The following ERC1 variants were observed in gnomAD, a reference collection of about 807,000 sequenced individuals.
ERC1 encodes the protein ELKS/RAB6-interacting/CAST family member 1.
Under a neutral mutation model 132.0 loss-of-function variants are expected in ERC1, and 56 were observed. The ratio of observed to expected loss-of-function variants is 0.42; its 90% confidence interval spans 0.34 to 0.53. The LOEUF (loss-of-function observed/expected upper bound fraction) is 0.53. ERC1 is among the 20% of genes least tolerant of loss of function. The pLI, the probability that ERC1 is intolerant of heterozygous loss-of-function variation, is 0.03. For missense variants in ERC1, 1,202 were observed against 1,349.9 expected (o/e 0.89, Z 1.72); for synonymous variants, 478 against 476.1 (o/e 1.00, Z -0.05).
At chr12:1,227,608 TTACTC>T (rs2074691574) in intron 12 of ERC1, among the ~76,000 whole-genome samples, 1 of 152,220 alleles carries the variant, frequency 6.6e-6, no homozygotes, top group South Asian at 2.1e-4. Flanking sequence ...AGTTGTCTCT[TTACTC>T]TGTTGATTGC....
intron 15 of ERC1, among the ~76,000 whole-genome samples, chr12:1,326,890 G>GTT (rs112334757): frequency 2.0e-5 from 3 of 148,216 alleles, no homozygotes; most frequent in African/African-American, 4.9e-5. Flanking sequence ...CAGTTTGTGG[G>GTT]TTTTTTTTTT....
intron 8 of ERC1, among the ~76,000 whole-genome samples, chr12:1,147,523 ACTT>A (rs1950491197): frequency 6.6e-6 from 1 of 152,124 alleles, no homozygotes; most frequent in Non-Finnish European, 1.5e-5. Context: ...TCATACATTT[ACTT>A]CTTATTAGGC....
chr12:1,463,707 G>GTGTGTGTGTGTGTGTGTGTGTGTGTT (rs1565488392), intron 18 of ERC1, among the ~76,000 whole-genome samples: 25 of 151,434 alleles, frequency 1.7e-4, no homozygotes, highest in African/African-American at 4.9e-4. Context: ...CTGTGTGTGT[G>GTGTGTGTGTGTGTGTGTGTGTGTGTT]TGTGTGTGTG....
chr12:1,304,694 C>G (rs181874140), intron 15 of ERC1, among the ~76,000 whole-genome samples: 1 of 150,936 alleles, frequency 6.6e-6, no homozygotes, highest in East Asian at 1.9e-4. Flanking sequence ...TTAGGAGAAC[C>G]TCTGTTATGC....
In ERC1 at chr12:1,294,395, A is replaced by G. The variant is rs191443239; in HGVS notation, c.2780+4383A>G. ...ATGTAAAAAGCCTCAAGTGGCTGGA[A>G]TAAGGTCTAAGTAACAAATAAAGAA... On this transcript the variant is annotated intron_variant, in intron 15 of 18. Transcript: ENST00000360905. Among the ~76,000 whole-genome samples, 60 of 152,326 alleles carry G rather than the reference A, an allele frequency of 3.9e-4. 1 individual carries two copies. Among genetic ancestry groups the G allele is most frequent in the African/African-American group, 1.3e-3 (55 of 41,572 alleles).
chr12:1,265,128 C>T lies in ERC1; in HGVS notation c.2619+1963C>T, dbSNP rs1246884173. On this transcript the variant is annotated intron_variant, in intron 14 of 18. Transcript: ENST00000360905. ...ATAGAGCTTGGTTAGTGGAGAGCTT[C>T]AGAGAAGGGATGGTGACAGCCATTG... Among the ~76,000 whole-genome samples, 13 of 152,200 alleles carry T rather than the reference C, an allele frequency of 8.5e-5. 1 individual carries two copies. Among genetic ancestry groups the T allele is most frequent in the African/African-American group, 3.1e-4 (13 of 41,460 alleles).
At chr12:1,457,470 G>A (rs192981031) in intron 18 of ERC1, among the ~76,000 whole-genome samples, 8 of 152,060 alleles carry the variant, frequency 5.3e-5, no homozygotes, top group Non-Finnish European at 1.2e-4. Context: ...ATATAATAAG[G>A]CCAAAGTTCA....
At position 1,453,410 on chromosome 12, in the gene ERC1, T is replaced by C. The variant is rs1310871826; in HGVS notation, c.3213+8660T>C. On this transcript the variant is annotated intron_variant, in intron 18 of 18. Coordinates refer to ENST00000360905, the MANE Select transcript of ERC1 (RefSeq NM_178040.4). ...TAGGAATAGAGGCCATGAAGGTTGCTGCCCTACCCCCAGAAGCACACAGCT... is the reference window on the plus strand; with the variant it reads ...TAGGAATAGAGGCCATGAAGGTTGCCGCCCTACCCCCAGAAGCACACAGCT... Among the ~76,000 whole-genome samples the C allele has an allele frequency of 3.3e-5, 5 of 152,348 alleles. No individual in the cohort carries two copies. The East Asian group carries it at 9.6e-4, about 29-fold the overall frequency.
At chr12:1,342,406 G>A (rs1039700693) in intron 15 of ERC1, among the ~76,000 whole-genome samples, 1 of 150,644 alleles carries the variant, frequency 6.6e-6, no homozygotes, top group East Asian at 1.9e-4. Context: ...GGCAGAGGTT[G>A]CAGTGAGCCA....
At chr12:1,043,769 C>T (rs1401336288) in intron 2 of ERC1, among the ~76,000 whole-genome samples, 1 of 152,146 alleles carries the variant, frequency 6.6e-6, no homozygotes, top group Non-Finnish European at 1.5e-5. Flanking sequence ...GAAGATTATA[C>T]TTCGTTTTGT....
At chr12:1,334,003 A>C (rs2083100808) in intron 15 of ERC1, among the ~76,000 whole-genome samples, 1 of 152,228 alleles carries the variant, frequency 6.6e-6, no homozygotes, top group East Asian at 1.9e-4. Context: ...ATGATCCCTG[A>C]TGTTGAGCTT....
chr12:1,440,452 C>T (rs572188820), intron 17 of ERC1, among the ~76,000 whole-genome samples: 6 of 150,360 alleles, frequency 4.0e-5, no homozygotes, highest in South Asian at 2.1e-4. Flanking sequence ...GTGATCTGCC[C>T]TCCTTGGCCT....
intron 12 of ERC1, among the ~76,000 whole-genome samples, chr12:1,210,297 C>A (rs1254956736): frequency 1.3e-5 from 2 of 152,242 alleles, no homozygotes; most frequent in Non-Finnish European, 2.9e-5. Context: ...GTGGCCTTCA[C>A]TGGCAGCTGG....
chr12:1,249,094 G>A (rs2082204699), intron 13 of ERC1, among the ~76,000 whole-genome samples: 1 of 151,860 alleles, frequency 6.6e-6, no homozygotes, highest in Non-Finnish European at 1.5e-5. Flanking sequence ...GTCTTGCTGT[G>A]TTGCCCAGTC....
chr12:1,323,991 T>G (rs1218777955), intron 15 of ERC1, among the ~76,000 whole-genome samples: 2 of 152,178 alleles, frequency 1.3e-5, no homozygotes, highest in African/African-American at 2.4e-5. Context: ...CTCCCTGTTA[T>G]TAGCAGTACA....
At chr12:1,080,612 T>C (rs1593168567) in intron 2 of ERC1, among the ~76,000 whole-genome samples, 1 of 152,190 alleles carries the variant, frequency 6.6e-6, no homozygotes, top group Non-Finnish European at 1.5e-5. Context: ...GTCTTTCCCA[T>C]GCTATTCTCG....
intron 15 of ERC1, among the ~76,000 whole-genome samples, chr12:1,309,087 G>A (rs1032674005): frequency 3.9e-5 from 6 of 152,174 alleles, no homozygotes; most frequent in Admixed American, 2.6e-4. Flanking sequence ...TTGATTTTAG[G>A]CTTTCCAGCC....
chr12:1,434,247 G>C (rs546793830), intron 17 of ERC1, among the ~76,000 whole-genome samples: 1 of 152,146 alleles, frequency 6.6e-6, no homozygotes, highest in Non-Finnish European at 1.5e-5. Context: ...ACTGGACGTG[G>C]CTTCCTTTGT....
intron 8 of ERC1, among the ~76,000 whole-genome samples, chr12:1,172,221 A>G (rs568110053): frequency 6.6e-6 from 1 of 152,158 alleles, no homozygotes; most frequent in Non-Finnish European, 1.5e-5. Context: ...TGTAATCCCA[A>G]TGCTTTGAGA....
Sources: gnomAD v4.1 joint callset for allele counts (sites outside exome capture counted in the v4.1 genomes callset) on GRCh38, gnomAD v4.1.1 for gene constraint, MANE v1.5 for transcripts, NCBI Gene and HGNC (gene_info 2026-07-23, HGNC 2026-07-21) for gene names.